Variants in IMPG1 observed in about 807,000 individuals in gnomAD.
The protein encoded by IMPG1 is interphotoreceptor matrix proteoglycan 1.
A neutral mutation model predicts 92.0 loss-of-function variants in IMPG1; 85 were observed. The observed-to-expected ratio is 0.92, with a 90% confidence interval of 0.78 to 1.11. The LOEUF is 1.11. Among genes scored for constraint, IMPG1 ranks in the 50% least tolerant of loss-of-function variants. The pLI is 0.00. For missense variants in IMPG1, 1,022 were observed against 956.0 expected (o/e 1.07, Z -0.91); for synonymous variants, 367 against 334.1 (o/e 1.10, Z -1.08).
chr6:76,046,774 G>A (rs139373059), intron 1 of IMPG1, among the ~76,000 whole-genome samples: 75 of 152,268 alleles, frequency 4.9e-4, no homozygotes, highest in African/African-American at 1.6e-3. Flanking sequence ...GTAAGACACA[G>A]TGTAAACGCT....
At chr6:76,000,769 T>C (rs1335369361) in intron 12 of IMPG1, among the ~76,000 whole-genome samples, 1 of 152,220 alleles carries the variant, frequency 6.6e-6, no homozygotes, top group Non-Finnish European at 1.5e-5. Context: ...CCCTGCTTTA[T>C]GGGTTAGAGG....
At chr6:76,042,962 CAT>C (rs756401519) in intron 1 of IMPG1, among the ~76,000 whole-genome samples, 2 of 152,186 alleles carry the variant, frequency 1.3e-5, no homozygotes, top group Non-Finnish European at 2.9e-5. Context: ...ATCGATGAAA[CAT>C]ATCATTTTTC....
rs760628688 is a variant in IMPG1 at position 75,950,953 on chromosome 6, C to T, written c.1433G>A (p.Gly478Glu). The stretch of plus-strand genomic sequence containing the variant: ...ATAATCACTGGTGGGGATGGTGAGC[C>T]CTGGTACTAGCATTGTCTGGTCAGT... ...MATDQTMLVP[G>E]LTIPTSDYSA... Residue 478 changes from glycine to glutamate, a missense_variant, in exon 13 of 17, where the codon GGG becomes GAG. Coordinates refer to ENST00000369950, the MANE Select transcript of IMPG1 (RefSeq NM_001563.4). 2 of 1,613,904 alleles carry T rather than the reference C, an allele frequency of 1.2e-6. No homozygotes were observed. Among genetic ancestry groups the T allele is most frequent in the Admixed American group, 1.7e-5 (1 of 59,970 alleles).
At chr6:76,045,639 T>A (rs548730366) in intron 1 of IMPG1, among the ~76,000 whole-genome samples, 1 of 151,990 alleles carries the variant, frequency 6.6e-6, no homozygotes, top group Middle Eastern at 3.4e-3. Context: ...ATCACTTGAG[T>A]CCAAGGATGA....
intron 12 of IMPG1, among the ~76,000 whole-genome samples, chr6:75,961,005 C>T (rs1401711491): frequency 1.3e-5 from 2 of 152,140 alleles, no homozygotes; most frequent in African/African-American, 4.8e-5. Context: ...GGCAAGGCCA[C>T]AAATGATATG....
At chr6:75,928,895 A>G (rs35261662) in intron 15 of IMPG1, among the ~76,000 whole-genome samples, 40,840 of 152,134 alleles carry the variant, frequency 0.27, 6,136 homozygotes, top group Non-Finnish European at 0.35. Flanking sequence ...TTTATGCTGC[A>G]ATTTGCTTTC....
chr6:75,979,536 T>A (rs1019992580), intron 12 of IMPG1, among the ~76,000 whole-genome samples: 1 of 152,222 alleles, frequency 6.6e-6, no homozygotes, highest in African/African-American at 2.4e-5. Flanking sequence ...AAACCACTGT[T>A]ATCTCATTTC....
chr6:75,925,363 G>T (rs895084338), intron 15 of IMPG1, among the ~76,000 whole-genome samples: 8 of 151,684 alleles, frequency 5.3e-5, no homozygotes, highest in Admixed American at 1.3e-4. Context: ...TTATAAAATG[G>T]GTATAATATT....
chr6:75,993,331 A>G (rs1782844832), intron 12 of IMPG1, among the ~76,000 whole-genome samples: 1 of 152,150 alleles, frequency 6.6e-6, no homozygotes, highest in South Asian at 2.1e-4. Flanking sequence ...CAAACAATGG[A>G]TATTTATTTC....
chr6:76,005,633 C>T, intron 9 of IMPG1, 99 bp from the exon 10 acceptor site: 6 of 1,237,714 alleles, frequency 4.8e-6, no homozygotes, highest in Non-Finnish European at 6.9e-6. Flanking sequence ...ATAGCTTCCA[C>T]CTCTTTCCTG....
At chr6:75,974,380 T>TTTCTTTC (rs1554230309) in intron 12 of IMPG1, among the ~76,000 whole-genome samples, 4 of 76,310 alleles carry the variant, frequency 5.2e-5, no homozygotes, top group African/African-American at 1.8e-4. Flanking sequence ...TCTTTCTTTC[T>TTTCTTTC]TTCTTTCTTT....
rs538075118 is a variant in IMPG1 at position 76,007,033 on chromosome 6, T to C, written c.887+447A>G. 3.9e-4 allele frequency among the ~76,000 whole-genome samples: 59 copies of C among 152,298 alleles called. 2 individuals are homozygous for C. The South Asian group carries it at 0.011, about 29-fold the overall frequency. Reference sequence around the variant, plus strand: ...ATTCTTATTACTGAGCTCTCCAAGGTATAGTGGGCCCTTTTCTCAGTTCAC... The same window carrying C: ...ATTCTTATTACTGAGCTCTCCAAGGCATAGTGGGCCCTTTTCTCAGTTCAC... On this transcript the variant is annotated intron_variant, in intron 9 of 16. Transcript: ENST00000369950.
At chr6:76,040,669 C>G (rs1233672743) in intron 2 of IMPG1, among the ~76,000 whole-genome samples, 1 of 152,172 alleles carries the variant, frequency 6.6e-6, no homozygotes, top group Non-Finnish European at 1.5e-5. Flanking sequence ...GTAGTTTTCA[C>G]TTTTCTATGG....
At chr6:75,968,575 T>C (rs1302289269) in intron 12 of IMPG1, among the ~76,000 whole-genome samples, 1 of 146,854 alleles carries the variant, frequency 6.8e-6, no homozygotes, top group Non-Finnish European at 1.5e-5. Context: ...GTAGCAAAAT[T>C]TTAGCCTTTT....
At chr6:76,021,641 A>G (rs189081796) in intron 6 of IMPG1, among the ~76,000 whole-genome samples, 1 of 151,458 alleles carries the variant, frequency 6.6e-6, no homozygotes, top group African/African-American at 2.4e-5. Flanking sequence ...GATCATTTTG[A>G]TATCTATTTG....
chr6:75,938,339 G>T lies in IMPG1; in HGVS notation c.2045-7188C>A, dbSNP rs150033990. On this transcript the variant is annotated intron_variant, in intron 14 of 16. Transcript: ENST00000369950. The stretch of plus-strand genomic sequence containing the variant: ...TCTCTCTTCTCCTTAGTTCAAAAGT[G>T]GTTGTGGAATAATGTTATCTCTCTC... Among the ~76,000 whole-genome samples, 527 of 152,268 alleles carry T rather than the reference G, an allele frequency of 3.5e-3. 3 individuals carry two copies. Among genetic ancestry groups the T allele is most frequent in the African/African-American group, 0.011 (474 of 41,554 alleles).
chr6:76,019,672 A>G lies in IMPG1; in HGVS notation c.667-814T>C, dbSNP rs528083968. ...AAGACTTCTGATGTTTGTTTAAAAG[A>G]CTTTCATTCATTCAAAAAAACACAC... On this transcript the variant is annotated intron_variant, in intron 6 of 16. Coordinates refer to ENST00000369950, the MANE Select transcript of IMPG1 (RefSeq NM_001563.4). Among the ~76,000 whole-genome samples, 6 of 152,350 alleles carry G rather than the reference A, an allele frequency of 3.9e-5. No homozygotes were observed. The East Asian group carries it at 7.7e-4, about 20-fold the overall frequency.
intron 12 of IMPG1, among the ~76,000 whole-genome samples, chr6:75,979,667 G>A (rs962639134): frequency 3.9e-5 from 6 of 152,158 alleles, no homozygotes; most frequent in Non-Finnish European, 8.8e-5. Context: ...CAAGCAAGGA[G>A]TCCAGATATT....
At chr6:75,998,450 G>A (rs553149952) in intron 12 of IMPG1, among the ~76,000 whole-genome samples, 2 of 152,306 alleles carry the variant, frequency 1.3e-5, no homozygotes, top group East Asian at 3.9e-4. Flanking sequence ...GCTGAGATGA[G>A]ACAAAGAAAA....
Sources: gnomAD v4.1 joint callset for allele counts (sites outside exome capture counted in the v4.1 genomes callset) on GRCh38, gnomAD v4.1.1 for gene constraint, MANE v1.5 for transcripts, NCBI Gene and HGNC (gene_info 2026-07-23, HGNC 2026-07-21) for gene names.